The following SCAF4 variants were observed in gnomAD, a reference collection of about 807,000 sequenced individuals.
The protein encoded by SCAF4 is SR-related and CTD-associated factor 4.
Under a neutral mutation model 129.8 loss-of-function variants are expected in SCAF4, and 25 were observed. That is an observed-to-expected ratio of 0.19 (90% confidence interval 0.14 to 0.27). The LOEUF (loss-of-function observed/expected upper bound fraction) is 0.27, where lower values mean the gene tolerates loss of function less well. SCAF4 is among the 10% of genes least tolerant of loss of function. The pLI is 1.00. For missense variants in SCAF4, 1,246 were observed against 1,457.1 expected, an observed-to-expected ratio of 0.86 and a Z score of 2.36; for synonymous variants, 551 against 497.7, an observed-to-expected ratio of 1.11 and a Z score of -1.43.
chr21:31,697,461 G>A (rs1173124899), intron 7 of SCAF4, among the ~76,000 whole-genome samples: 1 of 152,136 alleles, frequency 6.6e-6, no homozygotes, highest in Non-Finnish European at 1.5e-5. Flanking sequence ...ACACTGCAAT[G>A]TAGATAGTTT....
At chr21:31,679,954 T>G (rs537448906) in intron 19 of SCAF4, among the ~76,000 whole-genome samples, 1 of 152,322 alleles carries the variant, frequency 6.6e-6, no homozygotes, top group Admixed American at 6.5e-5. Context: ...TCAATAAACT[T>G]GAAATCTAAA....
chr21:31,709,617 C>T (rs761622260), intron 1 of SCAF4, among the ~76,000 whole-genome samples: 64 of 152,080 alleles, frequency 4.2e-4, no homozygotes, highest in Non-Finnish European at 3.7e-4. Flanking sequence ...AAGACTATAC[C>T]ACCTAACAGT....
Position 31,671,380 on chromosome 21 carries a change from T to G in SCAF4, c.*19A>C. ...CACTCCAGGAAGTGTCACTGTCACATTTTCACAAATTCCAGTCTCTAACGA... is the reference window on the plus strand; with the variant it reads ...CACTCCAGGAAGTGTCACTGTCACAGTTTCACAAATTCCAGTCTCTAACGA... On this transcript the variant is annotated 3_prime_UTR_variant, in exon 20 of 20. Coordinates refer to ENST00000286835, the MANE Select transcript of SCAF4 (RefSeq NM_020706.2). The G allele has an allele frequency of 1.9e-6, 3 of 1,607,290 alleles. No individual in the cohort carries two copies. Among genetic ancestry groups the G allele is most frequent in the Non-Finnish European group, 2.5e-6 (3 of 1,176,532 alleles).
chr21:31,706,066 TC>T (rs765609555), intron 2 of SCAF4, among the ~76,000 whole-genome samples: 14 of 152,046 alleles, frequency 9.2e-5, no homozygotes, highest in Admixed American at 3.3e-4. Context: ...TGAGACTCTA[TC>T]CCCCTACCCC....
At chr21:31,711,459 C>T (rs1435079302) in intron 1 of SCAF4, among the ~76,000 whole-genome samples, 6 of 152,168 alleles carry the variant, frequency 3.9e-5, no homozygotes. Context: ...TAAGCATGTA[C>T]ATTGACACTG....
Position 31,671,919 on chromosome 21 carries a change from G to A in SCAF4, c.2924C>T (p.Pro975Leu). 6.2e-7 allele frequency: 1 copy of A among 1,612,600 alleles called. No homozygotes were observed. Among genetic ancestry groups the A allele is most frequent in the Non-Finnish European group, 8.5e-7 (1 of 1,178,882 alleles). ...AAACTGCTGTGGCTGCTGCTGTGTT[G>A]GTGGAGGCTGTTGTGATGGTGGTGG... is the stretch of plus-strand genomic sequence containing the variant. ...QQPPPSQQPP[P>L]TQQQPQQFRN... Residue 975 changes from proline to leucine, a missense_variant, in exon 20 of 20, where the codon CCA (proline) becomes CTA (leucine). Pro to Leu is a moderately conservative substitution (Grantham distance 98, BLOSUM62 -3). Coordinates refer to ENST00000286835, the MANE Select transcript of SCAF4 (RefSeq NM_020706.2).
At chr21:31,690,772 T>C in intron 15 of SCAF4, 25 bp downstream of exon 15, 1 of 1,599,602 alleles carries the variant, frequency 6.3e-7, no homozygotes, top group Non-Finnish European at 8.5e-7. Context: ...AAGTGAACTG[T>C]AAGAGAAATT....
intron 1 of SCAF4, among the ~76,000 whole-genome samples, chr21:31,723,869 T>G (rs1192057616): frequency 1.3e-5 from 2 of 152,096 alleles, no homozygotes; most frequent in Non-Finnish European, 2.9e-5. Context: ...AATTATAACT[T>G]TCAAGAGGTA....
chr21:31,731,642 C>A lies in SCAF4; in HGVS notation c.30+21G>T, dbSNP rs769484988. On this transcript the variant is annotated intron_variant, in intron 1 of 19. Transcript: ENST00000286835. ...GCTCCCGCAGCAGGCCCGGCACCCC[C>A]CTGCCCCAAACACCCCTTACCTCCT... 2.7e-5 allele frequency: 43 copies of A among 1,589,742 alleles called. No homozygotes were observed. The South Asian group carries it at 4.2e-4, about 16-fold the overall frequency.
intron 1 of SCAF4, among the ~76,000 whole-genome samples, chr21:31,728,043 T>C (rs1373330403): frequency 6.6e-6 from 1 of 152,208 alleles, no homozygotes; most frequent in Admixed American, 6.5e-5. Flanking sequence ...GTATCAGAGA[T>C]GGACGTCTTT....
chr21:31,717,428 T>C (rs907034300), intron 1 of SCAF4, among the ~76,000 whole-genome samples: 2 of 152,210 alleles, frequency 1.3e-5, no homozygotes, highest in Non-Finnish European at 2.9e-5. Flanking sequence ...TTTTATCTAC[T>C]AATTCAAATT....
intron 10 of SCAF4, 85 bp downstream of exon 10, chr21:31,694,728 T>A: frequency 7.4e-7 from 1 of 1,344,512 alleles, no homozygotes; most frequent in Non-Finnish European, 1.1e-6. Context: ...TATTCAAAAA[T>A]GAAGACAGCA....
intron 1 of SCAF4, among the ~76,000 whole-genome samples, chr21:31,711,692 C>T (rs1469837136): frequency 1.3e-5 from 2 of 151,932 alleles, no homozygotes; most frequent in Non-Finnish European, 2.9e-5. Context: ...GAATAGTGTA[C>T]AGATAGTAAA....
intron 1 of SCAF4, among the ~76,000 whole-genome samples, chr21:31,714,248 TCCC>T (rs1419851633): frequency 6.6e-6 from 1 of 152,006 alleles, no homozygotes; most frequent in Non-Finnish European, 1.5e-5. Context: ...GGTGCAGAGC[TCCC>T]CCAACATTAT....
At chr21:31,689,348 A>G (rs2050203694) in intron 15 of SCAF4, among the ~76,000 whole-genome samples, 1 of 151,314 alleles carries the variant, frequency 6.6e-6, no homozygotes, top group Admixed American at 6.6e-5. Flanking sequence ...CCCAGGATGG[A>G]GTGCAGTGGC....
At chr21:31,702,095 A>G (rs2050546666) in intron 5 of SCAF4, 149 bp downstream of exon 5, 1 of 1,279,054 alleles carries the variant, frequency 7.8e-7, no homozygotes, top group Admixed American at 2.3e-5. Context: ...TATTATAAAT[A>G]GGAATTATGG....
At chr21:31,717,794 CAA>C (rs1231162833) in intron 1 of SCAF4, among the ~76,000 whole-genome samples, 3 of 97,198 alleles carry the variant, frequency 3.1e-5, no homozygotes, top group African/African-American at 7.6e-5. Context: ...ATACACTGTG[CAA>C]AAAAAAAAAA....
At chr21:31,674,859 T>C (rs1306620169) in intron 19 of SCAF4, among the ~76,000 whole-genome samples, 1 of 152,248 alleles carries the variant, frequency 6.6e-6, no homozygotes, top group African/African-American at 2.4e-5. Flanking sequence ...CATTTAATAG[T>C]CCTTTCCTTC....
intron 7 of SCAF4, among the ~76,000 whole-genome samples, chr21:31,697,920 C>T (rs897708408): frequency 6.6e-6 from 1 of 152,176 alleles, no homozygotes; most frequent in African/African-American, 2.4e-5. Context: ...AGGTACCTTG[C>T]TGTTTTACAT....
Sources: gnomAD v4.1 joint callset for allele counts (sites outside exome capture counted in the v4.1 genomes callset) on GRCh38, gnomAD v4.1.1 for gene constraint, MANE v1.5 for transcripts, NCBI Gene and HGNC (gene_info 2026-07-23, HGNC 2026-07-21) for gene names.